The following TRAP1 variants were observed in gnomAD, a reference collection of about 807,000 sequenced individuals.
The protein encoded by TRAP1 is TNF receptor associated protein 1.
Under a neutral mutation model 89.1 loss-of-function variants are expected in TRAP1, and 102 were observed. The ratio of observed to expected loss-of-function variants is 1.15; its 90% confidence interval spans 0.98 to 1.35. TRAP1 has a LOEUF of 1.35. TRAP1 is among the 40% of genes most tolerant of loss of function. The probability of loss-of-function intolerance (pLI) is 0.00; values close to 1 mark genes in which losing one functional copy is unlikely to be tolerated. For missense variants in TRAP1, 1,256 were observed against 945.3 expected (o/e 1.33, Z -4.31); for synonymous variants, 508 against 388.0 (o/e 1.31, Z -3.64).
chr16:3,702,036 T>C (rs1366035020), intron 1 of TRAP1, among the ~76,000 whole-genome samples: 1 of 152,058 alleles, frequency 6.6e-6, no homozygotes, highest in Non-Finnish European at 1.5e-5. Flanking sequence ...TGGTGAACCC[T>C]GTCTCTACTA....
intron 10 of TRAP1, 39 bp from the exon 11 acceptor site, chr16:3,671,830 C>A: frequency 6.3e-7 from 1 of 1,597,306 alleles, no homozygotes. Flanking sequence ...GGGGCTGCGG[C>A]CCTCCACACC....
intron 8 of TRAP1, 150 bp downstream of exon 8, chr16:3,675,174 T>C (rs1174983315): frequency 8.5e-6 from 6 of 707,570 alleles, no homozygotes; most frequent in South Asian, 5.6e-5. Context: ...TGGGCCCCTG[T>C]CTCATCCCCA....
At chr16:3,679,972 G>C (rs1295465008) in intron 4 of TRAP1, 182 bp from the exon 5 acceptor site, 1 of 612,194 alleles carries the variant, frequency 1.6e-6, no homozygotes, top group Non-Finnish European at 2.9e-6. Context: ...GTTCATGCCT[G>C]TAATCCCAGC....
At chr16:3,673,709 A>T (rs1410678975) in intron 9 of TRAP1, among the ~76,000 whole-genome samples, 3 of 152,038 alleles carry the variant, frequency 2.0e-5, no homozygotes, top group Admixed American at 6.6e-5. Context: ...ACATTAGGAG[A>T]GTTTCCAGGC....
At chr16:3,699,059 G>A (rs2151276101) in intron 1 of TRAP1, among the ~76,000 whole-genome samples, 1 of 152,204 alleles carries the variant, frequency 6.6e-6, no homozygotes, top group Non-Finnish European at 1.5e-5. Context: ...TAAACTATCT[G>A]GTGGTTTGGG....
At chr16:3,658,279 TC>T in intron 17 of TRAP1, 49 bp from the exon 18 acceptor site, 1 of 1,448,038 alleles carries the variant, frequency 6.9e-7, no homozygotes, top group Non-Finnish European at 9.4e-7. Flanking sequence ...GGGCACCTTT[TC>T]ATTTTTTTTT....
intron 11 of TRAP1, among the ~76,000 whole-genome samples, chr16:3,667,800 C>G (rs2050856592): frequency 6.6e-6 from 1 of 150,886 alleles, no homozygotes; most frequent in Non-Finnish European, 1.5e-5. Flanking sequence ...CTCTTGTCCC[C>G]CAGGCTGGAG....
intron 4 of TRAP1, among the ~76,000 whole-genome samples, chr16:3,683,896 T>G (rs1596725036): frequency 6.6e-6 from 1 of 151,940 alleles, no homozygotes; most frequent in East Asian, 1.9e-4. Context: ...CTAGGCGCGG[T>G]GGCTCCCGCC....
chr16:3,675,965 G>C, intron 7 of TRAP1, 71 bp downstream of exon 7: 1 of 1,336,606 alleles, frequency 7.5e-7, no homozygotes, highest in South Asian at 1.3e-5. Context: ...CAGGGAAAAT[G>C]CCTGCTGACC....
At chr16:3,692,263 C>A (rs888412415) in intron 1 of TRAP1, among the ~76,000 whole-genome samples, 4 of 152,136 alleles carry the variant, frequency 2.6e-5, no homozygotes, top group Admixed American at 1.3e-4. Context: ...GCCAGGGGTG[C>A]GGTGGCTCAC....
At chr16:3,667,728 A>C (rs920614430) in intron 11 of TRAP1, among the ~76,000 whole-genome samples, 31 of 151,552 alleles carry the variant, frequency 2.0e-4, no homozygotes, top group African/African-American at 7.5e-4. Context: ...ATATAAATAA[A>C]TTATAAATAG....
At chr16:3,664,787 C>T (rs1239314562) in intron 12 of TRAP1, 2 of 280,546 alleles carry the variant, frequency 7.1e-6, no homozygotes, top group Non-Finnish European at 1.3e-5. Context: ...CCTCTGCCCT[C>T]AGTGACAGAG....
Position 3,677,611 on chromosome 16 carries a change from G to A in TRAP1, c.591C>T (p.Ile197=), listed in dbSNP as rs781130074. ...AGAAACCCACTCCAAACTGGCCGAT[G>A]ATCTTGCTGCTGGCCTCAGCCTGGT... ...LQNQAEASSK[I]IGQFGVGFYS... is the part of the protein sequence containing the mutation. The change falls in exon 6 of 18, where the codon ATC becomes ATT. Residue 197 remains isoleucine, a synonymous_variant. Transcript: ENST00000246957. 6.2e-7 allele frequency: 1 copy of A among 1,614,096 alleles called. No homozygotes were observed. Among genetic ancestry groups the A allele is most frequent in the Admixed American group, 1.7e-5 (1 of 60,014 alleles).
chr16:3,671,931 G>A (rs2050919411), intron 10 of TRAP1, 140 bp from the exon 11 acceptor site: 1 of 878,322 alleles, frequency 1.1e-6, no homozygotes, highest in Non-Finnish European at 1.8e-6. Context: ...AGGCGGCACT[G>A]CCGGAGCTTC....
intron 12 of TRAP1, 183 bp from the exon 13 acceptor site, chr16:3,664,642 C>G: frequency 1.6e-6 from 1 of 627,566 alleles, no homozygotes; most frequent in East Asian, 3.1e-5. Flanking sequence ...CATCAGGCCC[C>G]TTTTGGGAGC....
At position 3,717,461 on chromosome 16, in the gene TRAP1, C is replaced by T. The variant is rs760807124; in HGVS notation, c.48G>A (p.Arg16=). The T allele has an allele frequency of 5.5e-4, 710 of 1,300,558 alleles. 3 individuals are homozygous for T. The highest frequency in any genetic ancestry group is 6.6e-4 in the Non-Finnish European group (676 of 1,031,466). 80.6% of individuals were successfully genotyped at this position (1,300,558 alleles called of 1,614,324 possible). The change falls in exon 1 of 18, where the codon CGG becomes CGA. Residue 16 remains arginine, a synonymous_variant. Transcript: ENST00000246957. ...RALLLWGRRL[R]PLLRAPALAA... ...CCAGCGCCGGCGCCCGCAGCAAAGG[C>T]CGCAGGCGGCGGCCCCACAGCAGCA...
intron 1 of TRAP1, among the ~76,000 whole-genome samples, chr16:3,703,713 T>C (rs1313419540): frequency 2.6e-5 from 4 of 151,972 alleles, no homozygotes; most frequent in African/African-American, 9.7e-5. Flanking sequence ...ACCCTACTTA[T>C]AAAACTATTT....
intron 1 of TRAP1, among the ~76,000 whole-genome samples, chr16:3,711,049 G>T (rs1342277076): frequency 6.6e-6 from 1 of 150,640 alleles, no homozygotes; most frequent in East Asian, 2.0e-4. Flanking sequence ...AAAAAAAAGG[G>T]TTTTTTGGTA....
At chr16:3,683,388 CTT>C (rs1363716310) in intron 4 of TRAP1, among the ~76,000 whole-genome samples, 17 of 139,172 alleles carry the variant, frequency 1.2e-4, no homozygotes, top group Non-Finnish European at 1.1e-4. Flanking sequence ...ACTAACATTT[CTT>C]TTTTTTTTTT....
Sources: gnomAD v4.1 joint callset for allele counts (sites outside exome capture counted in the v4.1 genomes callset) on GRCh38, gnomAD v4.1.1 for gene constraint, MANE v1.5 for transcripts, NCBI Gene and HGNC (gene_info 2026-07-23, HGNC 2026-07-21) for gene names.